CENPP: variants seen among roughly 807,000 people sequenced by gnomAD.
CENPP encodes centromere protein P.
CENPP carries 24 observed loss-of-function variants against 35.6 expected under a neutral mutation model. The observed-to-expected ratio is 0.67, with a 90% CI of 0.49 to 0.95. The LOEUF (loss-of-function observed/expected upper bound fraction) is 0.95. CENPP is among the 40% of genes least tolerant of loss of function. The pLI, the probability that CENPP is intolerant of heterozygous loss-of-function variation, is 0.00. For missense variants in CENPP, 332 were observed against 345.3 expected (o/e 0.96, Z 0.31); for synonymous variants, 120 against 125.5 (o/e 0.96, Z 0.29).
intron 5 of CENPP, chr9:92,511,965 T>G: frequency 1.4e-6 from 2 of 1,416,418 alleles, no homozygotes; most frequent in African/African-American, 1.5e-5. Context: ...ATGCAAGTCA[T>G]AGTGAAGCCA....
At chr9:92,366,742 A>T (rs1391673647) in intron 4 of CENPP, among the ~76,000 whole-genome samples, 1 of 152,212 alleles carries the variant, frequency 6.6e-6, no homozygotes, top group Non-Finnish European at 1.5e-5. Context: ...ATTATTACAC[A>T]CACATGCTCA....
intron 5 of CENPP, among the ~76,000 whole-genome samples, chr9:92,479,528 C>T (rs1012877938): frequency 6.6e-6 from 1 of 152,236 alleles, no homozygotes; most frequent in South Asian, 2.1e-4. Flanking sequence ...GGTTCCAGAA[C>T]ATTCTGGAAC....
intron 5 of CENPP, chr9:92,456,443 C>T (rs914399872): frequency 2.6e-5 from 4 of 152,410 alleles, no homozygotes; most frequent in Admixed American, 1.3e-4. Context: ...CAGGCTCTTC[C>T]AAGCAAGGTC....
chr9:92,407,827 G>A (rs965507830), intron 5 of CENPP, among the ~76,000 whole-genome samples: 2 of 152,100 alleles, frequency 1.3e-5, no homozygotes, highest in African/African-American at 4.8e-5. Context: ...TACCCAGGCT[G>A]GTCTCGAACT....
chr9:92,379,783 T>C lies in CENPP; in HGVS notation c.488T>C (p.Leu163Pro), dbSNP rs1842204063. The C allele has an allele frequency of 1.2e-6, 2 of 1,611,762 alleles. No homozygotes were observed. The highest frequency in any genetic ancestry group is 1.7e-5 in the Admixed American group (1 of 59,994). The change falls in exon 5 of 8, where the codon CTG becomes CCG. Residue 163 changes from leucine (L) to proline (P), a missense_variant. Physicochemically the swap from Leu to Pro is moderately conservative, Grantham distance 98 (BLOSUM62 -3). Coordinates refer to ENST00000375587, the MANE Select transcript of CENPP (RefSeq NM_001012267.3). ...FVSRAEERKD[L>P]FMFFRSLHFF... ...TACAGAGCAGAAGAGAGAAAAGATCTGTTCATGTTTTTCCGAAGCCTGCAT... is the reference window on the plus strand; with the variant it reads ...TACAGAGCAGAAGAGAGAAAAGATCCGTTCATGTTTTTCCGAAGCCTGCAT...
intron 5 of CENPP, among the ~76,000 whole-genome samples, chr9:92,462,127 A>G (rs1845138713): frequency 1.3e-5 from 2 of 152,034 alleles, no homozygotes; most frequent in African/African-American, 4.8e-5. Flanking sequence ...ACAGGTGTGC[A>G]CCACCATGCC....
intron 5 of CENPP, among the ~76,000 whole-genome samples, chr9:92,507,634 C>T (rs1259021421): frequency 2.0e-5 from 3 of 152,116 alleles, no homozygotes; most frequent in Admixed American, 6.5e-5. Context: ...GCAGGTGCCT[C>T]GATGTTCCTG....
intron 4 of CENPP, among the ~76,000 whole-genome samples, chr9:92,362,202 T>C (rs1841772534): frequency 6.6e-6 from 1 of 152,004 alleles, no homozygotes; most frequent in South Asian, 2.1e-4. Flanking sequence ...AGCAAGGCTC[T>C]ATCTCTTCAA....
In CENPP at chr9:92,369,735, A is replaced by G. The variant is rs142780519; in HGVS notation, c.468-10028A>G. Among the ~76,000 whole-genome samples, 11 of 152,296 alleles carry G rather than the reference A, an allele frequency of 7.2e-5. No individual in the cohort carries two copies. In the East Asian group the frequency reaches 2.1e-3, roughly 29 times the overall value. On this transcript the variant is annotated intron_variant, in intron 4 of 7. Coordinates refer to ENST00000375587, the MANE Select transcript of CENPP (RefSeq NM_001012267.3). ...TTATCAAATCTAAGAGTTTCTTGGT[A>G]GAGTCTGGGTTTTTCTAGATATAAG...
intron 5 of CENPP, chr9:92,495,269 T>C: frequency 2.6e-6 from 2 of 768,272 alleles, no homozygotes; most frequent in Non-Finnish European, 3.2e-6. Flanking sequence ...ACATAGTTTC[T>C]ATATGTGTCT....
intron 5 of CENPP, among the ~76,000 whole-genome samples, chr9:92,390,303 C>G (rs1355554991): frequency 6.6e-6 from 1 of 152,074 alleles, no homozygotes; most frequent in African/African-American, 2.4e-5. Flanking sequence ...TAAAGTTAAT[C>G]GAGTCTTTTC....
rs1003499715 is a variant in CENPP, at chr9:92,569,306, C to T, written c.565-42008C>T. Among the ~76,000 whole-genome samples, 37 of 152,158 alleles carry T rather than the reference C, an allele frequency of 2.4e-4. 1 individual carries two copies. The highest frequency in any genetic ancestry group is 2.3e-3 in the Admixed American group (35 of 15,276). On this transcript the variant is annotated intron_variant, in intron 5 of 7. Coordinates refer to ENST00000375587, the MANE Select transcript of CENPP (RefSeq NM_001012267.3). ...TTTCAGCTTTCTACATATAGCTAGCCAGTTTTCCCAGCACCGTTTATTAAA... is the reference window on the plus strand; with the variant it reads ...TTTCAGCTTTCTACATATAGCTAGCTAGTTTTCCCAGCACCGTTTATTAAA...
chr9:92,360,566 A>C (rs1384764608), intron 4 of CENPP, among the ~76,000 whole-genome samples: 1 of 152,188 alleles, frequency 6.6e-6, no homozygotes, highest in Non-Finnish European at 1.5e-5. Context: ...CTGTCTCAAA[A>C]TATAATAATG....
intron 5 of CENPP, among the ~76,000 whole-genome samples, chr9:92,533,328 A>AATATATATATATAT (rs202147064): frequency 9.7e-4 from 37 of 38,322 alleles, no homozygotes; most frequent in Middle Eastern, 0.016. Context: ...AAAAAAAAAA[A>AATATATATATATAT]ATATATATAT....
At chr9:92,413,579 T>C (rs1843504710) in intron 5 of CENPP, among the ~76,000 whole-genome samples, 1 of 152,252 alleles carries the variant, frequency 6.6e-6, no homozygotes. Context: ...TGTTTGAATT[T>C]ATATCCTGTA....
intron 5 of CENPP, among the ~76,000 whole-genome samples, chr9:92,483,877 T>G (rs926547874): frequency 7.9e-5 from 12 of 152,194 alleles, no homozygotes; most frequent in Non-Finnish European, 1.6e-4. Context: ...TTAGTGGCCC[T>G]CTGTAACTCA....
intron 5 of CENPP, among the ~76,000 whole-genome samples, chr9:92,437,553 G>C (rs762802553): frequency 6.7e-5 from 10 of 148,344 alleles, no homozygotes; most frequent in Non-Finnish European, 1.3e-4. Flanking sequence ...GAGACCACAG[G>C]CATATGCCAA....
intron 5 of CENPP, among the ~76,000 whole-genome samples, chr9:92,509,056 C>T (rs1847180450): frequency 6.6e-6 from 1 of 151,592 alleles, no homozygotes; most frequent in Non-Finnish European, 1.5e-5. Context: ...TATACAGAGT[C>T]ACAATATGAC....
At chr9:92,546,333 T>C (rs1849445908) in intron 5 of CENPP, among the ~76,000 whole-genome samples, 3 of 151,968 alleles carry the variant, frequency 2.0e-5, no homozygotes, top group Non-Finnish European at 4.4e-5. Context: ...CCACCAGAGG[T>C]CCCCTTCCAC....
Sources: gnomAD v4.1 joint callset for allele counts (sites outside exome capture counted in the v4.1 genomes callset) on GRCh38, gnomAD v4.1.1 for gene constraint, MANE v1.5 for transcripts, NCBI Gene and HGNC (gene_info 2026-07-23, HGNC 2026-07-21) for gene names.